ROR2: variants seen among roughly 807,000 people sequenced by gnomAD.
The protein encoded by ROR2 is tyrosine-protein kinase transmembrane receptor ROR2.
ROR2 carries 33 observed loss-of-function variants against 74.9 expected under a neutral mutation model. The observed-to-expected ratio is 0.44, with a 90% confidence interval of 0.33 to 0.59. The LOEUF is 0.59. Ranked by LOEUF, ROR2 falls within the 20% of genes least tolerant of loss-of-function variation. ROR2 has a pLI of 0.02. For missense variants in ROR2, 1,216 were observed against 1,313.8 expected, an observed-to-expected ratio of 0.93 and a Z score of 1.15; for synonymous variants, 586 against 558.7, an observed-to-expected ratio of 1.05 and a Z score of -0.69.
chr9:91,881,569 T>C (rs1171538683), intron 1 of ROR2, among the ~76,000 whole-genome samples: 1 of 152,244 alleles, frequency 6.6e-6, no homozygotes, highest in Admixed American at 6.5e-5. Flanking sequence ...ACTCCTTTTT[T>C]GATGGTGAGT....
Position 91,733,366 on chromosome 9 carries a change from G to A in ROR2, c.693C>T (p.Phe231=). 1 of 1,612,324 alleles carries A rather than the reference G, an allele frequency of 6.2e-7. No homozygotes were observed. The highest frequency in any genetic ancestry group is 1.1e-5 in the South Asian group (1 of 91,042). ...DQCSQFAIPS[F]CHFVFPLCDA... ...CGCACAGAGGAAACACGAAGTGGCA[G>A]AAGGATGGGATGGCGAACTGTGAGC... The change falls in exon 6 of 9, where the codon TTC becomes TTT. Residue 231 remains phenylalanine, a synonymous_variant. Transcript: ENST00000375708. This position sits in a 1 kb window ranked among gnomAD's most constrained non-coding sequence, Gnocchi z 5.7.
intron 1 of ROR2, among the ~76,000 whole-genome samples, chr9:91,802,974 A>G (rs113908020): frequency 7.9e-5 from 12 of 152,314 alleles, no homozygotes; most frequent in African/African-American, 2.9e-4. Context: ...GGAAACGCAA[A>G]TCACAACCAC....
chr9:91,898,289 C>T (rs1386063767), intron 1 of ROR2, among the ~76,000 whole-genome samples: 3 of 152,178 alleles, frequency 2.0e-5, no homozygotes, highest in Non-Finnish European at 4.4e-5. Flanking sequence ...CCCAGAGTGA[C>T]GACAGCTGTC....
chr9:91,949,484 G>A (rs1832109478), intron 1 of ROR2, among the ~76,000 whole-genome samples: 1 of 152,008 alleles, frequency 6.6e-6, no homozygotes, highest in South Asian at 2.1e-4. Context: ...AAGACCTCGG[G>A]GAGGAAGCCC....
chr9:91,788,946 A>G (rs1043825523), intron 1 of ROR2, among the ~76,000 whole-genome samples: 2 of 151,934 alleles, frequency 1.3e-5, no homozygotes, highest in African/African-American at 4.8e-5. Flanking sequence ...ATAGAAGTAG[A>G]GAGTAGAATA....
At chr9:91,903,650 G>A (rs893813384) in intron 1 of ROR2, among the ~76,000 whole-genome samples, 1 of 152,142 alleles carries the variant, frequency 6.6e-6, no homozygotes, top group African/African-American at 2.4e-5. Context: ...AATGGGAAGT[G>A]GTTTCCCCAC....
intron 4 of ROR2, among the ~76,000 whole-genome samples, chr9:91,754,773 A>G (rs1284919069): frequency 2.0e-5 from 3 of 152,184 alleles, no homozygotes; most frequent in South Asian, 2.1e-4. Context: ...TCATGATGCA[A>G]TTTCTTCTTT....
intron 1 of ROR2, among the ~76,000 whole-genome samples, chr9:91,827,699 A>T (rs1309911377): frequency 6.6e-6 from 1 of 152,222 alleles, no homozygotes; most frequent in Non-Finnish European, 1.5e-5. Flanking sequence ...GATCGGTCCA[A>T]TGTACAGATC....
At chr9:91,928,737 G>A (rs751164558) in intron 1 of ROR2, among the ~76,000 whole-genome samples, 22 of 152,218 alleles carry the variant, frequency 1.4e-4, no homozygotes, top group Non-Finnish European at 3.2e-4. Flanking sequence ...AAGCAGGGCA[G>A]ATCCTGGCAT....
chr9:91,738,416 G>A (rs1287083862), intron 4 of ROR2, among the ~76,000 whole-genome samples: 1 of 152,184 alleles, frequency 6.6e-6, no homozygotes, highest in African/African-American at 2.4e-5. Flanking sequence ...ACACGGGGAT[G>A]GGTATGTGTT....
intron 1 of ROR2, among the ~76,000 whole-genome samples, chr9:91,948,084 T>C (rs1252236287): frequency 1.3e-5 from 2 of 152,196 alleles, no homozygotes; most frequent in Admixed American, 6.5e-5. Flanking sequence ...CACTGGAAAC[T>C]ATGAGTGTTT....
chr9:91,949,080 C>T (rs1832094802), intron 1 of ROR2, among the ~76,000 whole-genome samples: 2 of 151,856 alleles, frequency 1.3e-5, no homozygotes, highest in African/African-American at 4.8e-5. Context: ...GAGCCGGGCC[C>T]CGCCCCTCCC....
At chr9:91,879,654 A>G (rs970753223) in intron 1 of ROR2, among the ~76,000 whole-genome samples, 1 of 152,144 alleles carries the variant, frequency 6.6e-6, no homozygotes, top group Admixed American at 6.5e-5. Flanking sequence ...GCCTTGGAAG[A>G]GCCCACTCTC....
In ROR2 at chr9:91,733,302, G is replaced by T; in HGVS notation, c.757C>A (p.Arg253Ser). 1 of 1,612,780 alleles carries T rather than the reference G, an allele frequency of 6.2e-7. No homozygotes were observed. The highest frequency in any genetic ancestry group is 8.5e-7 in the Non-Finnish European group (1 of 1,179,716). ...SRTPKPRELC[R>S]DECEVLESDL... ...CTCTCCAGCACCTCGCACTCGTCGC[G>T]GCACAGCTCACGCGGCTTGGGTGTC... Residue 253 changes from arginine to serine, a missense_variant, in exon 6 of 9, where the codon CGC becomes AGC. Arg to Ser is a moderately radical substitution (Grantham distance 110, BLOSUM62 -1). Transcript: ENST00000375708. The surrounding 1 kb of genome is among the most constrained non-coding windows in gnomAD (Gnocchi z 5.7).
At chr9:91,764,981 T>C (rs1344015836) in intron 2 of ROR2, among the ~76,000 whole-genome samples, 1 of 152,226 alleles carries the variant, frequency 6.6e-6, no homozygotes, top group Non-Finnish European at 1.5e-5. Flanking sequence ...TTTTCCTTTG[T>C]CTTTGCCATT....
At chr9:91,902,338 G>C (rs562822555) in intron 1 of ROR2, among the ~76,000 whole-genome samples, 1 of 152,180 alleles carries the variant, frequency 6.6e-6, no homozygotes, top group East Asian at 1.9e-4. Context: ...TTCGCTGTCA[G>C]GGTCTTTTCC....
intron 1 of ROR2, among the ~76,000 whole-genome samples, chr9:91,842,496 C>T (rs2841692): frequency 1 from 152,021 of 152,368 alleles, 75,838 homozygotes; most frequent in Middle Eastern, 1. Context: ...GTCCTCACCC[C>T]GTGCGTTAGT....
At chr9:91,854,198 T>C (rs547632529) in intron 1 of ROR2, among the ~76,000 whole-genome samples, 16 of 152,242 alleles carry the variant, frequency 1.1e-4, no homozygotes, top group African/African-American at 3.6e-4. Flanking sequence ...GGGCTTATTG[T>C]TGGAGGATTG....
At chr9:91,740,460 G>A (rs554734874) in intron 4 of ROR2, among the ~76,000 whole-genome samples, 5 of 151,896 alleles carry the variant, frequency 3.3e-5, no homozygotes, top group African/African-American at 1.2e-4. Context: ...GCTGGGGCAG[G>A]AGAATGGCGT....
Sources: allele counts gnomAD v4.1 joint callset (sites outside exome capture counted in the v4.1 genomes callset), GRCh38; gene constraint gnomAD v4.1.1; non-coding constraint Gnocchi (gnomAD v3.1); transcripts MANE v1.5; gene names NCBI Gene and HGNC (gene_info 2026-07-23, HGNC 2026-07-21).